The following MAP4K4 variants were observed in gnomAD, a reference collection of about 807,000 sequenced individuals.
MAP4K4 encodes the protein mitogen-activated protein kinase kinase kinase kinase 4, also known as HPK/GCK-like kinase HGK.
MAP4K4 carries 38 observed loss-of-function variants against 189.6 expected under a neutral mutation model. That is an observed-to-expected ratio of 0.20 (90% confidence interval 0.15 to 0.26). The LOEUF (loss-of-function observed/expected upper bound fraction) is 0.26. MAP4K4 is among the 10% of genes least tolerant of loss of function. MAP4K4 has a pLI of 1.00. For missense variants in MAP4K4, 1,054 were observed against 1,726.9 expected (o/e 0.61, Z 6.91); for synonymous variants, 610 against 624.3 (o/e 0.98, Z 0.34).
chr2:101,858,037 A>G (rs2097531131), intron 13 of MAP4K4, among the ~76,000 whole-genome samples: 1 of 152,088 alleles, frequency 6.6e-6, no homozygotes, highest in East Asian at 1.9e-4. Flanking sequence ...AAAATGTTTT[A>G]TGCTTTTCAA....
intron 3 of MAP4K4, chr2:101,797,334 C>G: frequency 7.7e-7 from 1 of 1,290,826 alleles, no homozygotes; most frequent in Non-Finnish European, 1.0e-6. Context: ...TCTCCCTGTG[C>G]TTTGCATGAC....
rs866483191 is a variant in MAP4K4, at chr2:101,802,517, C to T, written c.180+11741C>T. 7.2e-5 allele frequency among the ~76,000 whole-genome samples: 11 copies of T among 152,260 alleles called. No individual in the cohort carries two copies. The South Asian group carries it at 1.7e-3, about 23-fold the overall frequency. On this transcript the variant is annotated intron_variant, in intron 3 of 32. Transcript: ENST00000324219. ...CTGTTCACTGTTTCTCCACCCTGCT[C>T]GCCTGATCCCGCCCAGAGACCTGTC...
At chr2:101,874,955 G>A (rs2098158707) in intron 26 of MAP4K4, among the ~76,000 whole-genome samples, 1 of 152,076 alleles carries the variant, frequency 6.6e-6, no homozygotes, top group Non-Finnish European at 1.5e-5. Flanking sequence ...ATGTTTATAT[G>A]TTAGTTTTTA....
intron 2 of MAP4K4, among the ~76,000 whole-genome samples, chr2:101,715,410 T>C (rs2149363402): frequency 6.6e-6 from 1 of 152,352 alleles, no homozygotes; most frequent in South Asian, 2.1e-4. Context: ...ATAACAATAC[T>C]GTAAAGTTTT....
chr2:101,726,569 C>CT (rs150021166), intron 2 of MAP4K4, among the ~76,000 whole-genome samples: 1,636 of 152,316 alleles, frequency 0.011, 37 homozygotes, highest in African/African-American at 0.037. Context: ...CCTCAGTTTA[C>CT]TTTTCTCTCC....
chr2:101,790,590 G>C, intron 2 of MAP4K4, 130 bp from the exon 3 acceptor site: 1 of 677,964 alleles, frequency 1.5e-6, no homozygotes, highest in South Asian at 1.6e-5. Flanking sequence ...GGACTATTTC[G>C]TCATCACTTT....
chr2:101,782,800 C>A (rs2088379075), intron 2 of MAP4K4, among the ~76,000 whole-genome samples: 1 of 152,084 alleles, frequency 6.6e-6, no homozygotes, highest in East Asian at 1.9e-4. Flanking sequence ...TTAGATGGCT[C>A]CTGGAGAGCT....
chr2:101,748,129 G>A (rs2066605552), intron 2 of MAP4K4, among the ~76,000 whole-genome samples: 1 of 152,208 alleles, frequency 6.6e-6, no homozygotes, highest in African/African-American at 2.4e-5. Context: ...CAGCATGTTA[G>A]TATTTCATAG....
chr2:101,727,573 T>C (rs940032228), intron 2 of MAP4K4, among the ~76,000 whole-genome samples: 3 of 152,186 alleles, frequency 2.0e-5, no homozygotes, highest in Admixed American at 1.3e-4. Flanking sequence ...TCTTAAAATT[T>C]TGGGGGGAAG....
At position 101,851,445 on chromosome 2, in the gene MAP4K4, G is replaced by A. The variant is rs774732557; in HGVS notation, c.1234-4532G>A. Among the ~76,000 whole-genome samples the A allele has an allele frequency of 2.2e-4, 34 of 152,290 alleles. No homozygotes were observed. The Middle Eastern group carries it at 0.01, about 46-fold the overall frequency. ...TCATAGGCATAAGGTTAACAGTACA[G>A]ACTGATGTTATTTTGTTGATGGTGT... On this transcript the variant is annotated intron_variant, in intron 12 of 32. Transcript: ENST00000324219.
At chr2:101,894,155 T>C (rs1187293998) in exon 33 of MAP4K4, 1 of 152,786 alleles carries the variant, frequency 6.5e-6, no homozygotes, top group Non-Finnish European at 1.5e-5. Context: ...GAAGTGCCAA[T>C]ATGGCAAAAT....
At chr2:101,698,171 G>GGGTAGCC (rs1558980115) in intron 1 of MAP4K4, 34 bp downstream of exon 1, 1 of 959,354 alleles carries the variant, frequency 1.0e-6, no homozygotes, top group Non-Finnish European at 1.3e-6. Context: ...CGCGGGGAGC[G>GGGTAGCC]GGCAGCCGGC....
chr2:101,711,971 C>A (rs78550906), intron 2 of MAP4K4, among the ~76,000 whole-genome samples: 1 of 142,904 alleles, frequency 7.0e-6, no homozygotes, highest in Non-Finnish European at 1.5e-5. Context: ...GTCTGTCTTG[C>A]CCTTTTTTTT....
Position 101,839,813 on chromosome 2 carries a change from T to C in MAP4K4, c.774-6T>C. The C allele has an allele frequency of 1.3e-6, 2 of 1,573,172 alleles. No individual in the cohort carries two copies. Among genetic ancestry groups the C allele is most frequent in the Non-Finnish European group, 1.7e-6 (2 of 1,165,284 alleles). ...GAAATTTGATGATCTTTTTCACTTC[T>C]TACAGGTCGAAGAAGTTTTTTAGTT... On this transcript the variant is annotated splice_region_variant and splice_polypyrimidine_tract_variant and intron_variant, in intron 9 of 32. Coordinates refer to ENST00000324219, the Ensembl canonical transcript of MAP4K4.
At chr2:101,807,539 G>A (rs2095070242) in intron 3 of MAP4K4, among the ~76,000 whole-genome samples, 1 of 152,178 alleles carries the variant, frequency 6.6e-6, no homozygotes, top group African/African-American at 2.4e-5. Flanking sequence ...TAACCTACAT[G>A]ACCAAAGATG....
chr2:101,791,927 A>G (rs1029006956), intron 3 of MAP4K4, among the ~76,000 whole-genome samples: 1 of 152,244 alleles, frequency 6.6e-6, no homozygotes, highest in Non-Finnish European at 1.5e-5. Flanking sequence ...ACCGTTGCTT[A>G]GTTGAATGGC....
Position 101,721,408 on chromosome 2 carries a change from C to T in MAP4K4, c.123+22870C>T, listed in dbSNP as rs2051868121. Reference sequence around the variant, plus strand: ...GCCTGTCTGAAATATCTTTGAGTAGCGTGTTAAGGGGTTGGGTAGTATATT... The same window carrying T: ...GCCTGTCTGAAATATCTTTGAGTAGTGTGTTAAGGGGTTGGGTAGTATATT... On this transcript the variant is annotated intron_variant, in intron 2 of 32. Transcript: ENST00000324219. Among the ~76,000 whole-genome samples, 5 of 148,220 alleles carry T rather than the reference C, an allele frequency of 3.4e-5. No homozygotes were observed. In the South Asian group the frequency reaches 1.1e-3, roughly 32 times the overall value.
Position 101,860,992 on chromosome 2 carries a change from G to A in MAP4K4, c.1866+6G>A, listed in dbSNP as rs371826852. On this transcript the variant is annotated splice_donor_region_variant and intron_variant, in intron 16 of 32. Coordinates refer to ENST00000324219, the Ensembl canonical transcript of MAP4K4. ...AGAGACCAGCGGAGCCACAGGTAGC[G>A]ACAGCCAGCTTTGCTGTGGTTGAGG... 8.8e-6 allele frequency: 14 copies of A among 1,587,432 alleles called. No individual in the cohort carries two copies. Among genetic ancestry groups the A allele is most frequent in the East Asian group, 4.6e-5 (2 of 43,906 alleles).
At chr2:101,893,743 T>C (rs943263822) in exon 33 of MAP4K4, 1 of 154,636 alleles carries the variant, frequency 6.5e-6, no homozygotes, top group Non-Finnish European at 1.4e-5. Context: ...GGTGTTTCAT[T>C]GGAATTACCA....
Sources: gnomAD v4.1 joint callset for allele counts (sites outside exome capture counted in the v4.1 genomes callset) on GRCh38, gnomAD v4.1.1 for gene constraint, MANE v1.5 for transcripts, NCBI Gene and HGNC (gene_info 2026-07-23, HGNC 2026-07-21) for gene names.